Variants in ASTN2 observed in about 807,000 individuals in gnomAD.
The protein encoded by ASTN2 is astrotactin-2.
A neutral mutation model predicts 139.8 loss-of-function variants in ASTN2; 54 were observed. The observed-to-expected ratio is 0.39, with a 90% confidence interval of 0.31 to 0.48. ASTN2 has a LOEUF of 0.48. Among genes scored for constraint, ASTN2 ranks in the 20% least tolerant of loss-of-function variants. The pLI is 0.95. For synonymous variants in ASTN2, 756 were observed against 719.5 expected, an observed-to-expected ratio of 1.05 and a Z score of -0.81; for missense variants, 1,565 against 1,725.1, an observed-to-expected ratio of 0.91 and a Z score of 1.64.
intron 1 of ASTN2, among the ~76,000 whole-genome samples, chr9:117,342,780 T>C: frequency 6.6e-6 from 1 of 152,102 alleles, no homozygotes; most frequent in Admixed American, 6.5e-5. Context: ...TAAGAATGGG[T>C]TAACAAATAA....
chr9:117,400,925 C>T (rs962857824), intron 1 of ASTN2, among the ~76,000 whole-genome samples: 3 of 152,178 alleles, frequency 2.0e-5, no homozygotes, highest in African/African-American at 7.2e-5. Flanking sequence ...TCCATGAGAT[C>T]TTTAACCACA....
intron 2 of ASTN2, among the ~76,000 whole-genome samples, chr9:117,215,584 C>T (rs1832291489): frequency 6.6e-6 from 1 of 151,830 alleles, no homozygotes; most frequent in South Asian, 2.1e-4. Context: ...TGTGTTAATG[C>T]ACATATCTTA....
chr9:116,711,312 A>T (rs935405575), intron 16 of ASTN2, among the ~76,000 whole-genome samples: 5 of 152,246 alleles, frequency 3.3e-5, no homozygotes, highest in African/African-American at 1.2e-4. Context: ...CTGCCTAAAA[A>T]TGAGCAGCAT....
chr9:117,271,290 G>A (rs979910303), intron 2 of ASTN2, among the ~76,000 whole-genome samples: 7 of 152,208 alleles, frequency 4.6e-5, no homozygotes, highest in Non-Finnish European at 7.3e-5. Flanking sequence ...CAGATCTCAT[G>A]AGACTTATTC....
intron 17 of ASTN2, among the ~76,000 whole-genome samples, chr9:116,622,845 C>CT (rs1218787899): frequency 6.6e-6 from 1 of 152,218 alleles, no homozygotes; most frequent in African/African-American, 2.4e-5. Context: ...GTGCCAGAAC[C>CT]TATGCTAAGA....
At chr9:117,116,289 G>T (rs1400295648) in intron 4 of ASTN2, among the ~76,000 whole-genome samples, 4 of 152,162 alleles carry the variant, frequency 2.6e-5, no homozygotes, top group Non-Finnish European at 5.9e-5. Flanking sequence ...GTGAAACAGA[G>T]ATTCTGGCTT....
At chr9:117,177,214 T>C (rs1308743947) in intron 3 of ASTN2, among the ~76,000 whole-genome samples, 1 of 152,218 alleles carries the variant, frequency 6.6e-6, no homozygotes, top group African/African-American at 2.4e-5. Context: ...ATAAAAACAG[T>C]ACCTGTATAG....
chr9:116,599,493 C>T (rs992686137), intron 19 of ASTN2, among the ~76,000 whole-genome samples: 4 of 152,224 alleles, frequency 2.6e-5, no homozygotes, highest in African/African-American at 9.6e-5. Flanking sequence ...ATCATTTCAT[C>T]TGTTGCTCAC....
At chr9:117,059,181 T>G (rs1839164029) in intron 5 of ASTN2, among the ~76,000 whole-genome samples, 1 of 152,172 alleles carries the variant, frequency 6.6e-6, no homozygotes, top group Non-Finnish European at 1.5e-5. Context: ...ATGGAATTGC[T>G]GGACTTGTGA....
At chr9:116,767,887 T>C (rs1365167662) in intron 13 of ASTN2, among the ~76,000 whole-genome samples, 3 of 152,164 alleles carry the variant, frequency 2.0e-5, no homozygotes, top group African/African-American at 7.2e-5. Flanking sequence ...TAATGGCATA[T>C]CTATGGTAAA....
Position 117,043,921 on chromosome 9 carries a change from A to AG in ASTN2, c.1277-3957_1277-3956insC, listed in dbSNP as rs1378815384. ...AGACTCTGTCTCAAAAAAAAAAAAA[A>AG]AAGAAAAGAAAAGAAAAAAGAAAAA... On this transcript the variant is annotated intron_variant, in intron 5 of 22. Coordinates refer to ENST00000313400, the MANE Select transcript of ASTN2 (RefSeq NM_001365068.1). Among the ~76,000 whole-genome samples the AG allele has an allele frequency of 3.0e-4, 44 of 147,454 alleles. 1 individual carries two copies. In the South Asian group the frequency reaches 4.7e-3, roughly 16 times the overall value.
intron 5 of ASTN2, among the ~76,000 whole-genome samples, chr9:117,046,417 GT>G (rs773917705): frequency 6.6e-6 from 1 of 152,164 alleles, no homozygotes; most frequent in Non-Finnish European, 1.5e-5. Context: ...CTAAAAAAGG[GT>G]AGTGATAATC....
intron 5 of ASTN2, among the ~76,000 whole-genome samples, chr9:117,042,557 A>G (rs193136948): frequency 1.6e-4 from 24 of 152,252 alleles, no homozygotes; most frequent in East Asian, 9.7e-4. Context: ...CTAAAACCTA[A>G]AATAACTACA....
intron 3 of ASTN2, among the ~76,000 whole-genome samples, chr9:117,154,935 A>C (rs1031320433): frequency 6.6e-6 from 1 of 152,016 alleles, no homozygotes; most frequent in African/African-American, 2.4e-5. Flanking sequence ...CTCATATGCC[A>C]CTCACCACAA....
chr9:116,514,596 C>T (rs1850556077), intron 19 of ASTN2, among the ~76,000 whole-genome samples: 1 of 152,158 alleles, frequency 6.6e-6, no homozygotes, highest in South Asian at 2.1e-4. Context: ...ATGCCCTGCC[C>T]CCAGAGGTGG....
At chr9:117,087,746 C>A (rs1469559106) in intron 5 of ASTN2, among the ~76,000 whole-genome samples, 2 of 152,184 alleles carry the variant, frequency 1.3e-5, no homozygotes, top group African/African-American at 4.8e-5. Context: ...CTACACTTAT[C>A]CTCCTTTACC....
At chr9:117,231,494 A>T (rs563319225) in intron 2 of ASTN2, among the ~76,000 whole-genome samples, 1 of 152,352 alleles carries the variant, frequency 6.6e-6, no homozygotes, top group African/African-American at 2.4e-5. Context: ...GGATAAGCAA[A>T]TCTATCTGAT....
intron 1 of ASTN2, among the ~76,000 whole-genome samples, chr9:117,350,519 G>T (rs185858666): frequency 6.6e-6 from 1 of 150,426 alleles, no homozygotes; most frequent in African/African-American, 2.4e-5. Context: ...GTGCTACTAC[G>T]CTTCAGCCTG....
intron 3 of ASTN2, among the ~76,000 whole-genome samples, chr9:117,173,977 G>GA (rs1162855531): frequency 3.0e-5 from 3 of 98,708 alleles, no homozygotes; most frequent in Admixed American, 2.3e-4. Flanking sequence ...CCAAAACCAA[G>GA]AACAAAAAAA....
Sources: allele counts gnomAD v4.1 joint callset (sites outside exome capture counted in the v4.1 genomes callset), GRCh38; gene constraint gnomAD v4.1.1; transcripts MANE v1.5; gene names NCBI Gene and HGNC (gene_info 2026-07-23, HGNC 2026-07-21).